PHLDB2: variants seen among roughly 807,000 people sequenced by gnomAD.
PHLDB2 encodes pleckstrin homology-like domain family B member 2.
In PHLDB2, 71 loss-of-function variants were observed where a neutral mutation model predicts 123.6. The ratio of observed to expected loss-of-function variants is 0.57; its 90% CI spans 0.47 to 0.70. PHLDB2 has a LOEUF of 0.70. Ranked by LOEUF, PHLDB2 falls within the 30% of genes least tolerant of loss-of-function variation. The pLI is 0.00. For synonymous variants in PHLDB2, 547 were observed against 541.6 expected, an observed-to-expected ratio of 1.01 and a Z score of -0.14; for missense variants, 1,446 against 1,519.5, an observed-to-expected ratio of 0.95 and a Z score of 0.80.
chr3:111,820,418 T>C (rs1038283290), intron 1 of PHLDB2, among the ~76,000 whole-genome samples: 1 of 152,214 alleles, frequency 6.6e-6, no homozygotes, highest in African/African-American at 2.4e-5. Flanking sequence ...TCTACTCTAG[T>C]GGAACTATAT....
intron 1 of PHLDB2, among the ~76,000 whole-genome samples, chr3:111,747,644 C>T (rs2107949885): frequency 6.6e-6 from 1 of 152,196 alleles, no homozygotes; most frequent in East Asian, 1.9e-4. Context: ...GACTATGTTT[C>T]CCAGGAAGCC....
chr3:111,865,929 A>G (rs1344016722), intron 1 of PHLDB2, among the ~76,000 whole-genome samples: 1 of 151,648 alleles, frequency 6.6e-6, no homozygotes, highest in Non-Finnish European at 1.5e-5. Context: ...ATTCTGCACA[A>G]TCAGCTGCTA....
At chr3:111,841,704 G>A (rs948262529) in intron 1 of PHLDB2, among the ~76,000 whole-genome samples, 85 of 152,170 alleles carry the variant, frequency 5.6e-4, no homozygotes, top group Non-Finnish European at 9.6e-4. Context: ...CCTGCGTGTG[G>A]AGGAGTTAAG....
intron 4 of PHLDB2, among the ~76,000 whole-genome samples, chr3:111,919,576 C>T (rs1349409139): frequency 3.3e-5 from 5 of 152,160 alleles, no homozygotes; most frequent in Admixed American, 3.3e-4. Flanking sequence ...TCTGAACGTG[C>T]TTTACTATGA....
chr3:111,749,935 G>C (rs2059741716), intron 1 of PHLDB2, among the ~76,000 whole-genome samples: 2 of 152,130 alleles, frequency 1.3e-5, no homozygotes, highest in Non-Finnish European at 2.9e-5. Context: ...CCCAGTTTGG[G>C]AACTCTTGTC....
chr3:111,760,624 T>C (rs1292519889), intron 1 of PHLDB2, among the ~76,000 whole-genome samples: 1 of 152,000 alleles, frequency 6.6e-6, no homozygotes, highest in Non-Finnish European at 1.5e-5. Flanking sequence ...TTCTGGGGAG[T>C]GAACTAGAAG....
At chr3:111,918,251 G>A (rs1176876681) in intron 3 of PHLDB2, among the ~76,000 whole-genome samples, 1 of 152,138 alleles carries the variant, frequency 6.6e-6, no homozygotes, top group Admixed American at 6.5e-5. Flanking sequence ...GCTCCATTCA[G>A]GAGTGTAACT....
At chr3:111,886,221 A>G (rs2066153761) in intron 2 of PHLDB2, among the ~76,000 whole-genome samples, 1 of 152,268 alleles carries the variant, frequency 6.6e-6, no homozygotes, top group Admixed American at 6.5e-5. Flanking sequence ...GCAGGATAGT[A>G]AAGCTGATTT....
intron 1 of PHLDB2, among the ~76,000 whole-genome samples, chr3:111,749,307 G>T (rs551627984): frequency 6.6e-6 from 1 of 151,924 alleles, no homozygotes; most frequent in African/African-American, 2.4e-5. Context: ...GATGTCTCTG[G>T]TAAATTGGTA....
At chr3:111,807,701 G>A (rs184251723) in intron 1 of PHLDB2, among the ~76,000 whole-genome samples, 121 of 152,292 alleles carry the variant, frequency 7.9e-4, no homozygotes, top group Admixed American at 5.9e-4. Context: ...CAAGGCTGCA[G>A]TGAGCTATGA....
chr3:111,764,490 CA>C (rs2060045695), intron 1 of PHLDB2, among the ~76,000 whole-genome samples: 1 of 152,146 alleles, frequency 6.6e-6, no homozygotes, highest in South Asian at 2.1e-4. Context: ...CCCCTATTCC[CA>C]ACCTCCCCTT....
At chr3:111,733,533 A>G (rs756754911) in intron 1 of PHLDB2, among the ~76,000 whole-genome samples, 13 of 152,142 alleles carry the variant, frequency 8.5e-5, no homozygotes, top group Non-Finnish European at 1.6e-4. Flanking sequence ...CAAAACTAAT[A>G]TGCAAACCTG....
intron 1 of PHLDB2, among the ~76,000 whole-genome samples, chr3:111,804,980 G>T (rs1355719387): frequency 6.6e-6 from 1 of 151,900 alleles, no homozygotes; most frequent in African/African-American, 2.4e-5. Context: ...AGGTGCTGGG[G>T]AGGATGTGGA....
chr3:111,910,365 A>G (rs868640759), intron 2 of PHLDB2, among the ~76,000 whole-genome samples: 1 of 152,198 alleles, frequency 6.6e-6, no homozygotes, highest in African/African-American at 2.4e-5. Flanking sequence ...GCATTAAGGT[A>G]TGTAGGCTCT....
chr3:111,808,758 G>T (rs934649634), intron 1 of PHLDB2, among the ~76,000 whole-genome samples: 36 of 151,972 alleles, frequency 2.4e-4, no homozygotes, highest in African/African-American at 8.5e-4. Context: ...TGCCCTCTTT[G>T]GTCTTCAAAT....
chr3:111,871,370 G>A (rs1344424132), intron 1 of PHLDB2, among the ~76,000 whole-genome samples: 4 of 152,128 alleles, frequency 2.6e-5, no homozygotes, highest in Non-Finnish European at 4.4e-5. Flanking sequence ...TTCTTGGCCC[G>A]GCATGGTGGC....
chr3:111,804,717 T>C (rs189828879), intron 1 of PHLDB2, among the ~76,000 whole-genome samples: 3 of 152,318 alleles, frequency 2.0e-5, no homozygotes, highest in Admixed American at 6.5e-5. Flanking sequence ...CATTGAAATT[T>C]TGGGGGGAAA....
intron 1 of PHLDB2, among the ~76,000 whole-genome samples, chr3:111,872,514 A>C (rs540082577): frequency 2.0e-5 from 3 of 152,210 alleles, no homozygotes; most frequent in African/African-American, 7.2e-5. Flanking sequence ...ACTCAGCTGC[A>C]GTCTCTGATG....
chr3:111,913,422 A>G lies in PHLDB2; in HGVS notation c.1439A>G (p.Asn480Ser), dbSNP rs1449684219. 29 of 1,614,054 alleles carry G rather than the reference A, an allele frequency of 1.8e-5. No individual in the cohort carries two copies. Among genetic ancestry groups the G allele is most frequent in the Non-Finnish European group, 2.5e-5 (29 of 1,180,022 alleles). ...GTTVEDVQKI[N>S]KELEKLQLSD... is the part of the protein sequence containing the mutation. ...ACCGTGGAAGATGTGCAGAAAATCA[A>G]CAAGGAGCTTGAGAAGCTGCAGCTC... The change falls in exon 3 of 18, where the codon AAC (asparagine) becomes AGC (serine). Residue 480 changes from asparagine to serine, a missense_variant. Transcript: ENST00000431670.
Sources: allele counts gnomAD v4.1 joint callset (sites outside exome capture counted in the v4.1 genomes callset), GRCh38; gene constraint gnomAD v4.1.1; transcripts MANE v1.5; gene names NCBI Gene and HGNC (gene_info 2026-07-23, HGNC 2026-07-21).